Variants in THEMIS observed in about 807,000 individuals in gnomAD.
THEMIS encodes protein THEMIS.
In THEMIS, 37 loss-of-function variants were observed where a neutral mutation model predicts 52.6. The ratio of observed to expected loss-of-function variants is 0.70; its 90% CI spans 0.54 to 0.93. The LOEUF (loss-of-function observed/expected upper bound fraction) is 0.93. Ranked by LOEUF, THEMIS falls within the 40% of genes least tolerant of loss-of-function variation. THEMIS has a pLI of 0.00. For missense variants in THEMIS, 808 were observed against 763.1 expected, an observed-to-expected ratio of 1.06 and a Z score of -0.69; for synonymous variants, 292 against 272.7, an observed-to-expected ratio of 1.07 and a Z score of -0.70.
rs142642838 is a variant in THEMIS, at chr6:127,813,371, C to T, written c.1270G>A (p.Ala424Thr). 0.011 allele frequency: 17,739 copies of T among 1,614,000 alleles called. 110 individuals are homozygous for T. Among genetic ancestry groups the T allele is most frequent in the Non-Finnish European group, 0.014 (16,408 of 1,179,964 alleles). ...CCTTCCATGTACAAAGGGAGCAGCGCAGCCTCATAGGACTTTTTGAGGATT... is the reference window on the plus strand; with the variant it reads ...CCTTCCATGTACAAAGGGAGCAGCGTAGCCTCATAGGACTTTTTGAGGATT... ...EKILKKSYEA[A>T]LLPLYMEGGF... Residue 424 changes from alanine (A) to threonine (T), a missense_variant, in exon 4 of 6, where the codon GCG becomes ACG. Transcript: ENST00000368248.
the THEMIS span, among the ~76,000 whole-genome samples, chr6:127,700,038 A>G: frequency 6.6e-6 from 1 of 151,866 alleles, no homozygotes; most frequent in Non-Finnish European, 1.5e-5. Context: ...AAGTAAAAAT[A>G]TTTGCGAATC....
At chr6:127,889,692 T>TTAAATTAGATTAAAA (rs200627762) in intron 1 of THEMIS, among the ~76,000 whole-genome samples, 6,579 of 152,174 alleles carry the variant, frequency 0.043, 217 homozygotes, top group Non-Finnish European at 0.065. Context: ...TCCTAATTTA[T>TTAAATTAGATTAAAA]CTCTGCATCG....
chr6:127,739,435 C>G (rs972706654), intron 4 of THEMIS, among the ~76,000 whole-genome samples: 1 of 152,072 alleles, frequency 6.6e-6, no homozygotes, highest in African/African-American at 2.4e-5. Context: ...ATAACGAGGT[C>G]AGGAGATTGA....
intron 4 of THEMIS, among the ~76,000 whole-genome samples, chr6:127,811,632 T>C (rs1384232921): frequency 2.0e-5 from 3 of 152,190 alleles, no homozygotes; most frequent in Non-Finnish European, 4.4e-5. Context: ...AATTTAGGCA[T>C]ATAAATATTT....
the THEMIS span, among the ~76,000 whole-genome samples, chr6:127,696,915 A>C: frequency 6.6e-6 from 1 of 152,108 alleles, no homozygotes; most frequent in African/African-American, 2.4e-5. Flanking sequence ...TCCCAAATAC[A>C]GTCACATTCT....
chr6:127,757,677 G>GT (rs1159930284), intron 4 of THEMIS, among the ~76,000 whole-genome samples: 1 of 152,012 alleles, frequency 6.6e-6, no homozygotes, highest in Non-Finnish European at 1.5e-5. Flanking sequence ...TAGAGACGGG[G>GT]TTTCACCTTG....
chr6:127,879,743 C>T (rs562809758), intron 1 of THEMIS, among the ~76,000 whole-genome samples: 1 of 151,828 alleles, frequency 6.6e-6, no homozygotes, highest in African/African-American at 2.4e-5. Flanking sequence ...TTAGTGCAGT[C>T]GGGGAAGAAG....
At chr6:127,801,260 T>A (rs530998918) in intron 4 of THEMIS, among the ~76,000 whole-genome samples, 1 of 152,254 alleles carries the variant, frequency 6.6e-6, no homozygotes, top group Admixed American at 6.5e-5. Context: ...GCTCCTAAGT[T>A]CAGTGGGCAA....
At chr6:127,822,513 G>A (rs946425519) in intron 3 of THEMIS, among the ~76,000 whole-genome samples, 11 of 151,946 alleles carry the variant, frequency 7.2e-5, no homozygotes, top group African/African-American at 2.7e-4. Context: ...GAATACACTT[G>A]CATTTGATAT....
chr6:127,814,568 T>C (rs947062742), intron 3 of THEMIS, among the ~76,000 whole-genome samples: 1 of 152,186 alleles, frequency 6.6e-6, no homozygotes, highest in Non-Finnish European at 1.5e-5. Context: ...GTCAAAGTTC[T>C]TTCTTTCTCC....
downstream of THEMIS, among the ~76,000 whole-genome samples, chr6:127,703,474 C>T (rs1314720164): frequency 6.6e-6 from 1 of 152,080 alleles, no homozygotes; most frequent in Non-Finnish European, 1.5e-5. Context: ...GCAAGAAAAT[C>T]CTGGAGGGCT....
At chr6:127,894,954 ACT>A (rs993697863) in intron 1 of THEMIS, among the ~76,000 whole-genome samples, 4 of 149,436 alleles carry the variant, frequency 2.7e-5, no homozygotes, top group African/African-American at 7.3e-5. Context: ...AAAAGTATAT[ACT>A]TTTTGAAAAT....
chr6:127,866,949 TTTTATTTA>T (rs10627698), intron 1 of THEMIS, among the ~76,000 whole-genome samples: 5 of 145,698 alleles, frequency 3.4e-5, no homozygotes, highest in South Asian at 2.1e-4. Flanking sequence ...TTTATTTTTA[TTTTATTTA>T]TTTATTTATT....
chr6:127,723,185 T>C (rs1272653154), intron 4 of THEMIS, among the ~76,000 whole-genome samples: 1 of 152,046 alleles, frequency 6.6e-6, no homozygotes, highest in Non-Finnish European at 1.5e-5. Flanking sequence ...CTACTTTCTC[T>C]ATATCCATCA....
intron 4 of THEMIS, among the ~76,000 whole-genome samples, chr6:127,790,594 G>C (rs1199211470): frequency 6.6e-6 from 1 of 152,118 alleles, no homozygotes; most frequent in East Asian, 1.9e-4. Context: ...GGATCCTTCA[G>C]GTGTCGCTTT....
intron 4 of THEMIS, among the ~76,000 whole-genome samples, chr6:127,792,484 A>G (rs1005245623): frequency 1.3e-5 from 2 of 152,240 alleles, no homozygotes; most frequent in Non-Finnish European, 2.9e-5. Context: ...TTTTATTATT[A>G]TAGTTTCTGG....
chr6:127,890,502 T>C (rs764630260), intron 1 of THEMIS, among the ~76,000 whole-genome samples: 18 of 152,078 alleles, frequency 1.2e-4, no homozygotes, highest in Admixed American at 2.6e-4. Flanking sequence ...CTAGAAGGAA[T>C]AAAGCCTAGT....
chr6:127,793,721 T>C (rs1453671480), intron 4 of THEMIS, among the ~76,000 whole-genome samples: 1 of 152,228 alleles, frequency 6.6e-6, no homozygotes, highest in Admixed American at 6.5e-5. Context: ...GTTTAAAATG[T>C]ATTATTCAAC....
At chr6:127,862,358 T>C (rs986779637) in intron 1 of THEMIS, among the ~76,000 whole-genome samples, 2 of 151,294 alleles carry the variant, frequency 1.3e-5, no homozygotes, top group Admixed American at 6.6e-5. Context: ...TGACCATGGA[T>C]GCTTTGAGTT....
Sources: gnomAD v4.1 joint callset for allele counts (sites outside exome capture counted in the v4.1 genomes callset) on GRCh38, gnomAD v4.1.1 for gene constraint, MANE v1.5 for transcripts, NCBI Gene and HGNC (gene_info 2026-07-23, HGNC 2026-07-21) for gene names.